Variants in NSD2 observed in about 807,000 individuals in gnomAD.
NSD2 encodes nuclear receptor binding SET domain protein 2.
Under a neutral mutation model 139.0 loss-of-function variants are expected in NSD2, and 12 were observed. The ratio of observed to expected loss-of-function variants is 0.09; its 90% CI spans 0.06 to 0.14. The LOEUF is 0.14. NSD2 is among the 10% of genes least tolerant of loss of function. The probability of loss-of-function intolerance (pLI) is 1.00; values close to 1 mark genes in which losing one functional copy is unlikely to be tolerated. For synonymous variants in NSD2, 669 were observed against 648.7 expected, an observed-to-expected ratio of 1.03 and a Z score of -0.48; for missense variants, 1,155 against 1,745.0, an observed-to-expected ratio of 0.66 and a Z score of 6.02.
intron 10 of NSD2, 164 bp from the exon 11 acceptor site, chr4:1,951,944 C>A: frequency 9.1e-7 from 1 of 1,093,192 alleles, no homozygotes. Flanking sequence ...TGTATTTGTA[C>A]GTTCTGTTTG....
intron 1 of NSD2, among the ~76,000 whole-genome samples, chr4:1,875,511 C>T (rs1714183397): frequency 6.6e-6 from 1 of 152,064 alleles, no homozygotes; most frequent in Non-Finnish European, 1.5e-5. Flanking sequence ...AACTCCTGGG[C>T]TCAGGTGATC....
chr4:1,878,114 G>T (rs1714396879), intron 1 of NSD2, among the ~76,000 whole-genome samples: 1 of 150,382 alleles, frequency 6.6e-6, no homozygotes, highest in African/African-American at 2.4e-5. Flanking sequence ...AGGCTGGAGT[G>T]CAGTGGCACA....
intron 1 of NSD2, among the ~76,000 whole-genome samples, chr4:1,878,249 AT>A (rs1238367539): frequency 2.9e-5 from 1 of 34,920 alleles, no homozygotes; most frequent in Non-Finnish European, 4.7e-5. Context: ...ATATATATAT[AT>A]ATTTTTTTTT....
chr4:1,926,526 A>T (rs1194294911), intron 5 of NSD2, among the ~76,000 whole-genome samples: 23 of 151,944 alleles, frequency 1.5e-4, no homozygotes, highest in Non-Finnish European at 5.9e-5. Flanking sequence ...GCTGGATTGC[A>T]GTGGCACAAT....
At chr4:1,919,536 T>G (rs1299456513) in intron 5 of NSD2, among the ~76,000 whole-genome samples, 2 of 152,238 alleles carry the variant, frequency 1.3e-5, no homozygotes, top group African/African-American at 4.8e-5. Flanking sequence ...GTGGATCATA[T>G]TCTCATGCTT....
intron 1 of NSD2, among the ~76,000 whole-genome samples, chr4:1,896,547 G>A (rs1716335106): frequency 6.6e-6 from 1 of 152,110 alleles, no homozygotes; most frequent in Non-Finnish European, 1.5e-5. Context: ...TTTATTTTTT[G>A]TAGAGACAGG....
Position 1,943,282 on chromosome 4 carries a change from T to C in NSD2, c.1881+3504T>C, listed in dbSNP as rs1723287947. 3 of 1,043,654 alleles carry C rather than the reference T, an allele frequency of 2.9e-6. No individual in the cohort carries two copies. In the African/African-American group the frequency reaches 5.0e-5, roughly 17 times the overall value. The allele number at this position is 1,043,654 out of a possible 1,614,324, so 64.6% of individuals were successfully genotyped here. On this transcript the variant is annotated intron_variant, in intron 9 of 21. Coordinates refer to ENST00000508803, the MANE Select transcript of NSD2 (RefSeq NM_001042424.3). ...GTTAATTCCCGGCAGATTCTTTGGC[T>C]GTGTTTTATCTTTAATGAACGTTTC...
intron 21 of NSD2, among the ~76,000 whole-genome samples, chr4:1,978,332 C>T (rs538178863): frequency 1.3e-4 from 20 of 152,240 alleles, no homozygotes; most frequent in African/African-American, 4.1e-4. Context: ...AGCACAGCAG[C>T]CCCTGCCTGT....
chr4:1,877,656 C>G (rs542135197), intron 1 of NSD2, among the ~76,000 whole-genome samples: 1 of 152,180 alleles, frequency 6.6e-6, no homozygotes, highest in African/African-American at 2.4e-5. Context: ...CTTGTCTTTT[C>G]CATCGTCACC....
At chr4:1,959,326 G>C (rs1725141145) in intron 16 of NSD2, 145 bp from the exon 17 acceptor site, 1 of 859,276 alleles carries the variant, frequency 1.2e-6, no homozygotes. Flanking sequence ...GGGGAGGGCT[G>C]TTCTGAGTAG....
rs1329475453 is a variant in NSD2, at chr4:1,958,751, C to T, written c.2985+715C>T. Among the ~76,000 whole-genome samples the T allele has an allele frequency of 2.0e-5, 3 of 152,234 alleles. No individual in the cohort carries two copies. Among genetic ancestry groups the T allele is most frequent in the Admixed American group, 6.5e-5 (1 of 15,288 alleles). ...TATAATATTTTCTTTGGGATGGATT[C>T]CCAGAAACAGAATCACAGGGTCAGA... is the stretch of plus-strand genomic sequence containing the variant. On this transcript the variant is annotated intron_variant, in intron 16 of 21. Transcript: ENST00000508803. The surrounding 1 kb of genome is among the most constrained non-coding windows in gnomAD (Gnocchi z 4.6).
chr4:1,979,046 G>A lies in NSD2; in HGVS notation c.*137G>A. ...ACAGACGTACAGGCCTCCTCGGGAG[G>A]GAGCGCCTCCCCACCACTGAGCCAT... On this transcript the variant is annotated 3_prime_UTR_variant, in exon 22 of 22. Coordinates refer to ENST00000508803, the MANE Select transcript of NSD2 (RefSeq NM_001042424.3). 8.6e-7 allele frequency: 1 copy of A among 1,161,308 alleles called. No homozygotes were observed. The highest frequency in any genetic ancestry group is 1.2e-6 in the Non-Finnish European group (1 of 865,982). The allele number at this position is 1,161,308 out of a possible 1,614,324, so 71.9% of individuals were successfully genotyped here.
At chr4:1,940,916 C>T (rs1020874684) in intron 9 of NSD2, 28 of 1,056,752 alleles carry the variant, frequency 2.6e-5, no homozygotes, top group Middle Eastern at 8.4e-4. Context: ...ACCACTCCTC[C>T]GAGTGGGATT....
At chr4:1,872,639 C>CGAGAGAGA (rs1322527631) in intron 1 of NSD2, among the ~76,000 whole-genome samples, 19 of 50,646 alleles carry the variant, frequency 3.8e-4, no homozygotes, top group Admixed American at 2.7e-3. Context: ...AGAGAGAGCG[C>CGAGAGAGA]GCAGACCCTG....
chr4:1,977,796 A>G (rs1727256076), intron 21 of NSD2, among the ~76,000 whole-genome samples: 1 of 151,068 alleles, frequency 6.6e-6, no homozygotes, highest in South Asian at 2.1e-4. Context: ...CACTCAAAAA[A>G]AAAAAAAACC....
chr4:1,978,546 G>T, intron 21 of NSD2, 92 bp from the exon 22 acceptor site: 1 of 1,512,552 alleles, frequency 6.6e-7, no homozygotes, highest in South Asian at 1.3e-5. Context: ...GTGTTCATTT[G>T]ACCTGACAGT....
At chr4:1,911,953 G>A (rs892350369) in intron 3 of NSD2, 1 of 187,996 alleles carries the variant, frequency 5.3e-6, no homozygotes, top group Non-Finnish European at 1.1e-5. Flanking sequence ...TTTATATTGT[G>A]TGTGCTGTTA....
At chr4:1,908,687 A>G (rs1317013697) in intron 3 of NSD2, among the ~76,000 whole-genome samples, 1 of 152,190 alleles carries the variant, frequency 6.6e-6, no homozygotes, top group Non-Finnish European at 1.5e-5. Flanking sequence ...GATGACCACC[A>G]GAGCTCTCTG....
Position 1,974,770 on chromosome 4 carries a change from A to G in NSD2, c.3373-93A>G, listed in dbSNP as rs761302729. On this transcript the variant is annotated intron_variant, in intron 18 of 21. Transcript: ENST00000508803. The surrounding 1 kb of genome is among the most constrained non-coding windows in gnomAD (Gnocchi z 4.0). ...GGTTTTCAGTACAACAAGGAACACA[A>G]CTTGTTCAATGTGCTTTATGATGGT... The G allele has an allele frequency of 5.8e-6, 9 of 1,559,126 alleles. No individual in the cohort carries two copies. Among genetic ancestry groups the G allele is most frequent in the Non-Finnish European group, 7.1e-6 (8 of 1,133,488 alleles).
Sources: allele counts gnomAD v4.1 joint callset (sites outside exome capture counted in the v4.1 genomes callset), GRCh38; gene constraint gnomAD v4.1.1; non-coding constraint Gnocchi (gnomAD v3.1); transcripts MANE v1.5; gene names NCBI Gene and HGNC (gene_info 2026-07-23, HGNC 2026-07-21).